TEK: variants seen among roughly 807,000 people sequenced by gnomAD.
TEK encodes TEK receptor tyrosine kinase.
TEK carries 43 observed loss-of-function variants against 131.8 expected under a neutral mutation model. The observed-to-expected ratio is 0.33, with a 90% CI of 0.26 to 0.42. The LOEUF (loss-of-function observed/expected upper bound fraction) is 0.42. Among genes scored for constraint, TEK ranks in the 10% least tolerant of loss-of-function variants. The pLI is 1.00. For missense variants in TEK, 1,162 were observed against 1,384.4 expected (o/e 0.84, Z 2.55); for synonymous variants, 580 against 491.6 (o/e 1.18, Z -2.38).
chr9:27,229,074 G>C (rs558358922), intron 22 of TEK, 84 bp from the exon 23 acceptor site: 42 of 1,280,746 alleles, frequency 3.3e-5, no homozygotes, highest in African/African-American at 7.3e-5. Context: ...AACAAACTAA[G>C]AAAACCAAGG....
At chr9:27,135,687 TTG>T (rs1177318103) in intron 1 of TEK, among the ~76,000 whole-genome samples, 2 of 152,298 alleles carry the variant, frequency 1.3e-5, no homozygotes, top group African/African-American at 4.8e-5. Flanking sequence ...ATAACTTAAC[TTG>T]TAAGTGGCAG....
At chr9:27,165,303 A>G (rs1564070508) in intron 2 of TEK, among the ~76,000 whole-genome samples, 1 of 152,150 alleles carries the variant, frequency 6.6e-6, no homozygotes, top group South Asian at 2.1e-4. Flanking sequence ...AACCATATAG[A>G]CAGGAACAAC....
intron 9 of TEK, among the ~76,000 whole-genome samples, chr9:27,189,640 G>A (rs918548145): frequency 6.6e-6 from 1 of 152,116 alleles, no homozygotes; most frequent in Admixed American, 6.6e-5. Context: ...GATCAGAGAG[G>A]CCTGATGTTG....
At position 27,140,994 on chromosome 9, in the gene TEK, G is replaced by A. The variant is rs193289979; in HGVS notation, c.53-16837G>A. Among the ~76,000 whole-genome samples, 19 of 150,646 alleles carry A rather than the reference G, an allele frequency of 1.3e-4. No individual in the cohort carries two copies. The East Asian group carries it at 1.6e-3, about 12-fold the overall frequency. ...GGTCCTTTTTTCTTTTAATTTATTC[G>A]TTAAGTTCTCTGCCTATCTCTGTTT... On this transcript the variant is annotated intron_variant, in intron 1 of 22. Transcript: ENST00000380036.
At chr9:27,172,968 G>T (rs936472062) in intron 5 of TEK, among the ~76,000 whole-genome samples, 1 of 152,160 alleles carries the variant, frequency 6.6e-6, no homozygotes, top group Non-Finnish European at 1.5e-5. Flanking sequence ...GATGTTTACA[G>T]TGTGAATGCT....
At chr9:27,216,415 A>T (rs944186656) in intron 18 of TEK, among the ~76,000 whole-genome samples, 2 of 152,158 alleles carry the variant, frequency 1.3e-5, no homozygotes, top group Admixed American at 6.5e-5. Flanking sequence ...GAACTTAACA[A>T]TTAGGAGGTG....
intron 1 of TEK, among the ~76,000 whole-genome samples, chr9:27,118,803 T>A (rs944999827): frequency 1.3e-5 from 2 of 152,084 alleles, no homozygotes; most frequent in Admixed American, 1.3e-4. Context: ...AAACAGAAGA[T>A]GCACAACCCA....
intron 1 of TEK, among the ~76,000 whole-genome samples, chr9:27,138,015 C>CGG (rs775446831): frequency 6.6e-6 from 1 of 152,110 alleles, no homozygotes; most frequent in Non-Finnish European, 1.5e-5. Context: ...AAGCCGCAAA[C>CGG]CTTCCCAGTG....
Position 27,111,270 on chromosome 9 carries a change from A to G in TEK, c.52+1628A>G, listed in dbSNP as rs78927199. The stretch of plus-strand genomic sequence containing the variant: ...TCATGTTCTTGTTAGGAAGGGTGAC[A>G]CTAGCAAGGTTAGTTTCTGAGGTAG... On this transcript the variant is annotated intron_variant, in intron 1 of 22. Coordinates refer to ENST00000380036, the MANE Select transcript of TEK (RefSeq NM_000459.5). Among the ~76,000 whole-genome samples the G allele has an allele frequency of 9.6e-3, 1,460 of 152,306 alleles. 15 individuals are homozygous for G. Among genetic ancestry groups the G allele is most frequent in the South Asian group, 0.041 (200 of 4,826 alleles).
At chr9:27,147,316 C>G (rs890206689) in intron 1 of TEK, among the ~76,000 whole-genome samples, 1 of 151,908 alleles carries the variant, frequency 6.6e-6, no homozygotes, top group Non-Finnish European at 1.5e-5. Flanking sequence ...TGTGGTTTCA[C>G]TTAGCATTTC....
Position 27,173,225 on chromosome 9 carries a change from G to A in TEK, c.764G>A (p.Cys255Tyr). 2 of 1,614,014 alleles carry A rather than the reference G, an allele frequency of 1.2e-6. No individual in the cohort carries two copies. Among genetic ancestry groups the A allele is most frequent in the Non-Finnish European group, 1.7e-6 (2 of 1,179,910 alleles). Residue 255 changes from cysteine to tyrosine, a missense_variant, in exon 6 of 23, where the codon TGT becomes TAT. Around this residue, in one of 6 missense-constraint regions of TEK, gnomAD observed 436 missense variants for 539.1 expected, o/e 0.81. Transcript: ENST00000380036. ...ATCTTTTCTTTTCCTCCCAAAGCTT[G>A]TGAACTGCACACGTTTGGCAGAACT... ...GFMGRTCEKA[C>Y]ELHTFGRTCK...
At chr9:27,123,052 CAAAAAAAAAAA>C (rs10700803) in intron 1 of TEK, among the ~76,000 whole-genome samples, 1 of 34,712 alleles carries the variant, frequency 2.9e-5, no homozygotes, top group Non-Finnish European at 4.5e-5. Flanking sequence ...GACTCTGTCT[CAAAAAAAAAAA>C]AAAAAAAAAA....
chr9:27,199,672 C>G (rs1825150758), intron 12 of TEK, among the ~76,000 whole-genome samples: 1 of 152,292 alleles, frequency 6.6e-6, no homozygotes, highest in African/African-American at 2.4e-5. Context: ...TATTGATATA[C>G]TGGATGTCCT....
At chr9:27,137,683 A>T (rs1243602026) in intron 1 of TEK, among the ~76,000 whole-genome samples, 1 of 151,660 alleles carries the variant, frequency 6.6e-6, no homozygotes, top group Non-Finnish European at 1.5e-5. Context: ...TCTTAACAAG[A>T]TTTACTTCGT....
At chr9:27,159,364 A>C (rs62544652) in intron 2 of TEK, among the ~76,000 whole-genome samples, 17,202 of 152,144 alleles carry the variant, frequency 0.11, 1,206 homozygotes, top group Middle Eastern at 0.24. Context: ...CATTTTATCA[A>C]CCTAAGCCAG....
rs567566103 is a variant in TEK, at chr9:27,173,634, G to A, written c.901+272G>A. ...ATTTGGTAGGCATGGACTGGGGCCC[G>A]AGGTTCTGCATTTCTAACAGGCTCC... On this transcript the variant is annotated intron_variant, in intron 6 of 22. Coordinates refer to ENST00000380036, the MANE Select transcript of TEK (RefSeq NM_000459.5). 2.5e-4 allele frequency among the ~76,000 whole-genome samples: 38 copies of A among 151,964 alleles called. No homozygotes were observed. In the South Asian group the frequency reaches 4.8e-3, roughly 19 times the overall value.
chr9:27,151,015 A>T (rs1363670197), intron 1 of TEK, among the ~76,000 whole-genome samples: 1 of 152,166 alleles, frequency 6.6e-6, no homozygotes, highest in Non-Finnish European at 1.5e-5. Context: ...GTTTGTTGTT[A>T]GAGAGTCACA....
intron 6 of TEK, among the ~76,000 whole-genome samples, chr9:27,179,725 A>G (rs1028590559): frequency 2.6e-5 from 4 of 151,694 alleles, no homozygotes; most frequent in Non-Finnish European, 4.4e-5. Context: ...AGGATCAGCC[A>G]AAGATCTGGG....
intron 12 of TEK, among the ~76,000 whole-genome samples, chr9:27,199,142 A>C (rs1296164325): frequency 1.3e-5 from 2 of 152,218 alleles, no homozygotes; most frequent in South Asian, 2.1e-4. Flanking sequence ...ATACACATGC[A>C]TACATATCAT....
Sources: allele counts gnomAD v4.1 joint callset (sites outside exome capture counted in the v4.1 genomes callset), GRCh38; gene constraint gnomAD v4.1.1; regional missense constraint gnomAD v4.1.1; transcripts MANE v1.5; gene names NCBI Gene and HGNC (gene_info 2026-07-23, HGNC 2026-07-21).